The following PPP6R3 variants were observed in gnomAD, a reference collection of about 807,000 sequenced individuals.
PPP6R3 encodes serine/threonine-protein phosphatase 6 regulatory subunit 3.
A neutral mutation model predicts 110.7 loss-of-function variants in PPP6R3; 38 were observed. The ratio of observed to expected loss-of-function variants is 0.34; its 90% CI spans 0.26 to 0.45. The LOEUF is 0.45. Ranked by LOEUF, PPP6R3 falls within the 20% of genes least tolerant of loss-of-function variation. The pLI is 1.00. For synonymous variants in PPP6R3, 369 were observed against 373.5 expected (o/e 0.99, Z 0.14); for missense variants, 870 against 1,062.4 (o/e 0.82, Z 2.52).
rs764895406 is a variant in PPP6R3 at position 68,486,529 on chromosome 11, C to T, written c.-158+25702C>T. On this transcript the variant is annotated intron_variant, in intron 1 of 23. Coordinates refer to ENST00000393800, the MANE Select transcript of PPP6R3 (RefSeq NM_001164161.2). ...CTGAGGCAGGAGAATGGCGTGAACC[C>T]GGGAGGCGGAGCTTGCAGTGAGCTG... Among the ~76,000 whole-genome samples the T allele has an allele frequency of 7.4e-5, 11 of 148,814 alleles. 1 individual carries two copies. Among genetic ancestry groups the T allele is most frequent in the East Asian group, 2.0e-4 (1 of 5,024 alleles).
At chr11:68,507,207 A>G (rs947974240) in intron 1 of PPP6R3, among the ~76,000 whole-genome samples, 1 of 147,066 alleles carries the variant, frequency 6.8e-6, no homozygotes, top group African/African-American at 2.5e-5. Context: ...GTATGGATTT[A>G]CTTTGGGTGT....
At chr11:68,580,124 G>A (rs2099547762) in intron 14 of PPP6R3, among the ~76,000 whole-genome samples, 1 of 152,154 alleles carries the variant, frequency 6.6e-6, no homozygotes, top group Non-Finnish European at 1.5e-5. Context: ...AGAGGGAAGA[G>A]CAAAATGCAG....
intron 22 of PPP6R3, among the ~76,000 whole-genome samples, chr11:68,604,074 C>A (rs1408079572): frequency 6.6e-6 from 1 of 152,208 alleles, no homozygotes; most frequent in African/African-American, 2.4e-5. Flanking sequence ...GAGCTTTAGT[C>A]TTAGAGACCA....
chr11:68,491,842 C>G (rs924987185), intron 1 of PPP6R3, among the ~76,000 whole-genome samples: 1 of 151,978 alleles, frequency 6.6e-6, no homozygotes, highest in South Asian at 2.1e-4. Context: ...ACATAAGTTA[C>G]AGTAACACTA....
At chr11:68,492,353 A>G (rs899722739) in intron 1 of PPP6R3, among the ~76,000 whole-genome samples, 4 of 152,016 alleles carry the variant, frequency 2.6e-5, no homozygotes, top group South Asian at 4.2e-4. Flanking sequence ...AGGTCTTGCT[A>G]TGTTGCCCAG....
At chr11:68,521,678 A>G (rs1427626401) in intron 2 of PPP6R3, among the ~76,000 whole-genome samples, 2 of 152,202 alleles carry the variant, frequency 1.3e-5, no homozygotes, top group South Asian at 4.1e-4. Context: ...CAGTTAATAA[A>G]TATTTTAGGT....
chr11:68,565,773 T>C (rs2099462181), intron 9 of PPP6R3, among the ~76,000 whole-genome samples: 1 of 148,516 alleles, frequency 6.7e-6, no homozygotes, highest in South Asian at 2.1e-4. Flanking sequence ...TTTTACTGTA[T>C]GATATGTCTG....
chr11:68,534,425 G>T (rs939257498), intron 2 of PPP6R3, among the ~76,000 whole-genome samples: 1 of 152,148 alleles, frequency 6.6e-6, no homozygotes, highest in African/African-American at 2.4e-5. Context: ...CTGTGAGCTG[G>T]ATTTGGTTTG....
At chr11:68,600,607 G>A in intron 20 of PPP6R3, 113 bp downstream of exon 20, 1 of 1,236,374 alleles carries the variant, frequency 8.1e-7, no homozygotes, top group Non-Finnish European at 1.1e-6. Flanking sequence ...TGAATATACT[G>A]CCCTGAAAAA....
chr11:68,590,024 G>A (rs1408710839), intron 16 of PPP6R3, among the ~76,000 whole-genome samples: 1 of 152,178 alleles, frequency 6.6e-6, no homozygotes, highest in African/African-American at 2.4e-5. Flanking sequence ...TCACGTGCCT[G>A]GACTCTTGCT....
intron 1 of PPP6R3, among the ~76,000 whole-genome samples, chr11:68,500,501 G>A (rs1351347320): frequency 3.3e-5 from 5 of 151,968 alleles, no homozygotes; most frequent in African/African-American, 1.2e-4. Context: ...TTTTTGAGAC[G>A]AAGTCTCAGT....
intron 6 of PPP6R3, 58 bp from the exon 7 acceptor site, chr11:68,554,087 A>T (rs2099390638): frequency 2.3e-6 from 3 of 1,288,622 alleles, no homozygotes; most frequent in Non-Finnish European, 3.3e-6. Flanking sequence ...TTCATTTTTA[A>T]ATTATAAATT....
rs922846810 is a variant in PPP6R3, at chr11:68,612,379, G to A, written c.2571-687G>A. ...AAGTGCTTGTGGGCATCCCAGTTACGGCCCTAAGCACCCTTTCCCAAGTCT... is the reference window on the plus strand; with the variant it reads ...AAGTGCTTGTGGGCATCCCAGTTACAGCCCTAAGCACCCTTTCCCAAGTCT... On this transcript the variant is annotated intron_variant, in intron 23 of 23. Transcript: ENST00000393800. Among the ~76,000 whole-genome samples, 5 of 152,104 alleles carry A rather than the reference G, an allele frequency of 3.3e-5. No homozygotes were observed. The South Asian group carries it at 8.3e-4, about 25-fold the overall frequency.
intron 3 of PPP6R3, among the ~76,000 whole-genome samples, chr11:68,543,680 G>A (rs1330133794): frequency 6.6e-6 from 1 of 152,196 alleles, no homozygotes; most frequent in African/African-American, 2.4e-5. Context: ...TCTCTGTCTT[G>A]CTCAGCTTTT....
chr11:68,479,901 G>T (rs2098891269), intron 1 of PPP6R3, among the ~76,000 whole-genome samples: 1 of 151,936 alleles, frequency 6.6e-6, no homozygotes, highest in Admixed American at 6.6e-5. Context: ...ACCACACCTG[G>T]CTAATTTTTG....
At chr11:68,526,198 A>G (rs2099196758) in intron 2 of PPP6R3, among the ~76,000 whole-genome samples, 1 of 152,092 alleles carries the variant, frequency 6.6e-6, no homozygotes, top group Non-Finnish European at 1.5e-5. Context: ...TGGATGCTTC[A>G]GATGGGAAAC....
At chr11:68,530,633 C>T (rs531798663) in intron 2 of PPP6R3, among the ~76,000 whole-genome samples, 2 of 152,166 alleles carry the variant, frequency 1.3e-5, no homozygotes, top group African/African-American at 2.4e-5. Flanking sequence ...ATAGACAGAG[C>T]TGGTTTGATG....
intron 5 of PPP6R3, among the ~76,000 whole-genome samples, chr11:68,549,772 G>A (rs1431233653): frequency 6.6e-6 from 1 of 152,202 alleles, no homozygotes; most frequent in Non-Finnish European, 1.5e-5. Context: ...AGGAATCAGT[G>A]TGTTTCTGGA....
At chr11:68,542,398 T>TTGTTTTTTTTTTTTTG (rs1346036684) in intron 3 of PPP6R3, among the ~76,000 whole-genome samples, 1 of 111,746 alleles carries the variant, frequency 8.9e-6, no homozygotes, top group Non-Finnish European at 1.8e-5. Context: ...TGTTTTTTTT[T>TTGTTTTTTTTTTTTTG]TTTTTTTTTT....
Sources: allele counts gnomAD v4.1 joint callset (sites outside exome capture counted in the v4.1 genomes callset), GRCh38; gene constraint gnomAD v4.1.1; transcripts MANE v1.5; gene names NCBI Gene and HGNC (gene_info 2026-07-23, HGNC 2026-07-21).